The following LRRC37A2 variants were observed in gnomAD, a reference collection of about 807,000 sequenced individuals.
LRRC37A2 encodes the protein leucine-rich repeat-containing protein 37A2.
In LRRC37A2, 9 loss-of-function variants were observed where a neutral mutation model predicts 68.8. The ratio of observed to expected loss-of-function variants is 0.13; its 90% confidence interval spans 0.08 to 0.23. The LOEUF (loss-of-function observed/expected upper bound fraction) is 0.23. Ranked by LOEUF, LRRC37A2 falls within the 10% of genes least tolerant of loss-of-function variation. LRRC37A2 has a pLI of 1.00. For missense variants in LRRC37A2, 168 were observed against 950.4 expected (o/e 0.18, Z 10.82); for synonymous variants, 63 against 367.6 (o/e 0.17, Z 9.48).
the LRRC37A2 span, chr17:46,872,686 C>T: frequency 6.2e-7 from 1 of 1,613,664 alleles, no homozygotes; most frequent in African/African-American, 1.3e-5. Context: ...GGATGCTGCG[C>T]ACCTCGGCCT....
At chr17:47,018,936 C>T in the LRRC37A2 span, 12 of 1,519,800 alleles carry the variant, frequency 7.9e-6, no homozygotes, top group Non-Finnish European at 1.1e-5. Flanking sequence ...TGTACCCCAA[C>T]TTCGAATATA....
the LRRC37A2 span, among the ~76,000 whole-genome samples, chr17:46,492,998 GTTTT>G: frequency 7.3e-4 from 94 of 129,444 alleles, no homozygotes; most frequent in South Asian, 1.7e-3. Context: ...CTGGCCTCAA[GTTTT>G]TTTTTTTTTT....
the LRRC37A2 span, among the ~76,000 whole-genome samples, chr17:46,927,781 T>C: frequency 5.3e-5 from 8 of 152,302 alleles, no homozygotes; most frequent in East Asian, 7.7e-4. Flanking sequence ...TAAGTCATAA[T>C]GGCAGGTGGG....
chr17:46,921,556 T>C, the LRRC37A2 span, among the ~76,000 whole-genome samples: 1 of 152,100 alleles, frequency 6.6e-6, no homozygotes, highest in African/African-American at 2.4e-5. Flanking sequence ...ACCTACAGAA[T>C]GGGAGAAAAT....
At chr17:46,825,830 C>T in the LRRC37A2 span, among the ~76,000 whole-genome samples, 2 of 152,204 alleles carry the variant, frequency 1.3e-5, no homozygotes, top group Non-Finnish European at 2.9e-5. Context: ...TTGAAACCAG[C>T]CTGGCCAATG....
the LRRC37A2 span, among the ~76,000 whole-genome samples, chr17:46,635,566 T>C: frequency 2.1e-5 from 2 of 96,946 alleles, no homozygotes; most frequent in Non-Finnish European, 4.6e-5. Flanking sequence ...ATGAACTTGG[T>C]TGACCCATGA....
the LRRC37A2 span, among the ~76,000 whole-genome samples, chr17:46,726,307 TA>T: frequency 6.6e-6 from 1 of 152,202 alleles, no homozygotes; most frequent in Non-Finnish European, 1.5e-5. Context: ...GTCAGTTGAT[TA>T]ATGATCAGCT....
At chr17:46,969,203 C>A in the LRRC37A2 span, among the ~76,000 whole-genome samples, 55 of 152,350 alleles carry the variant, frequency 3.6e-4, no homozygotes, top group Middle Eastern at 0.02. Context: ...GTTTCCAGAG[C>A]CTTCTTATGG....
At chr17:46,845,517 T>C in the LRRC37A2 span, among the ~76,000 whole-genome samples, 2 of 132,636 alleles carry the variant, frequency 1.5e-5, no homozygotes, top group Non-Finnish European at 3.1e-5. Flanking sequence ...TGAGACAGAG[T>C]CTTGCTCTGT....
the LRRC37A2 span, among the ~76,000 whole-genome samples, chr17:46,720,324 C>T: frequency 6.6e-6 from 1 of 152,244 alleles, no homozygotes; most frequent in Admixed American, 6.5e-5. Context: ...ATTTGTATCT[C>T]TTTGGCGTAG....
At chr17:46,968,530 T>C in the LRRC37A2 span, among the ~76,000 whole-genome samples, 8 of 152,356 alleles carry the variant, frequency 5.3e-5, no homozygotes, top group East Asian at 1.4e-3. Flanking sequence ...AAGAGCACCA[T>C]GCCAAGCTCA....
At chr17:46,908,288 G>A in the LRRC37A2 span, among the ~76,000 whole-genome samples, 1 of 152,104 alleles carries the variant, frequency 6.6e-6, no homozygotes, top group Non-Finnish European at 1.5e-5. Flanking sequence ...GGGCCTCTGA[G>A]GGATGCCTGC....
the LRRC37A2 span, among the ~76,000 whole-genome samples, chr17:46,788,210 C>G: frequency 6.6e-6 from 1 of 152,218 alleles, no homozygotes; most frequent in Non-Finnish European, 1.5e-5. Flanking sequence ...TTGCCTCCCA[C>G]TCCACTAAGT....
downstream of LRRC37A2, among the ~76,000 whole-genome samples, chr17:46,558,385 G>T (rs1323607239): frequency 1.9e-5 from 2 of 107,234 alleles, no homozygotes; most frequent in Non-Finnish European, 3.7e-5. Flanking sequence ...GGTTTTTTTT[G>T]TGTTTTGTTT....
the LRRC37A2 span, among the ~76,000 whole-genome samples, chr17:46,993,443 G>A: frequency 6.6e-6 from 1 of 152,254 alleles, no homozygotes; most frequent in African/African-American, 2.4e-5. Context: ...CATAGGAGGT[G>A]CTCAACAAAA....
chr17:46,851,795 C>T, the LRRC37A2 span: 3 of 737,964 alleles, frequency 4.1e-6, no homozygotes, highest in Non-Finnish European at 5.6e-6. This position sits in a 1 kb window ranked among gnomAD's most constrained non-coding sequence, Gnocchi z 4.3. Flanking sequence ...CCAATTTTTC[C>T]CTCCCGCTGT....
At chr17:46,580,098 C>CGTA in the LRRC37A2 span, among the ~76,000 whole-genome samples, 1 of 149,366 alleles carries the variant, frequency 6.7e-6, no homozygotes, top group Admixed American at 6.7e-5. Context: ...TTGAGTTAAA[C>CGTA]GTAGACATTA....
At chr17:46,829,141 G>T in the LRRC37A2 span, among the ~76,000 whole-genome samples, 1 of 152,112 alleles carries the variant, frequency 6.6e-6, no homozygotes, top group Non-Finnish European at 1.5e-5. Flanking sequence ...CTTTAAAATG[G>T]TGATTTTTTT....
the LRRC37A2 span, among the ~76,000 whole-genome samples, chr17:47,035,831 T>C: frequency 1.3e-5 from 2 of 152,218 alleles, no homozygotes; most frequent in Non-Finnish European, 2.9e-5. Context: ...TGTCGTTGTC[T>C]GTCTCTTCTC....
Sources: gnomAD v4.1 joint callset for allele counts (sites outside exome capture counted in the v4.1 genomes callset) on GRCh38, gnomAD v4.1.1 for gene constraint, Gnocchi (gnomAD v3.1) non-coding constraint, MANE v1.5 for transcripts, NCBI Gene and HGNC (gene_info 2026-07-23, HGNC 2026-07-21) for gene names.